Variants in GNB4 observed in about 807,000 individuals in gnomAD.
The protein encoded by GNB4 is guanine nucleotide-binding protein subunit beta-4.
In GNB4, 28 loss-of-function variants were observed where a neutral mutation model predicts 45.2. The ratio of observed to expected loss-of-function variants is 0.62; its 90% CI spans 0.46 to 0.85. GNB4 has a LOEUF of 0.85. Ranked by LOEUF, GNB4 falls within the 40% of genes least tolerant of loss-of-function variation. The pLI is 0.00. For missense variants in GNB4, 321 were observed against 425.4 expected (o/e 0.75, Z 2.16); for synonymous variants, 132 against 143.7 (o/e 0.92, Z 0.58).
At chr3:179,517,104 T>A in the GNB4 span, among the ~76,000 whole-genome samples, 1 of 151,976 alleles carries the variant, frequency 6.6e-6, no homozygotes, top group African/African-American at 2.4e-5. Flanking sequence ...GCCATCATAT[T>A]CCCCGTGACC....
At position 179,405,302 on chromosome 3, in the gene GNB4, A is replaced by G; in HGVS notation, c.804T>C (p.Asn268=). 1 of 1,614,204 alleles carries G rather than the reference A, an allele frequency of 6.2e-7. No homozygotes were observed. The highest frequency in any genetic ancestry group is 8.5e-7 in the Non-Finnish European group (1 of 1,180,006). The change falls in exon 9 of 10, where the codon AAT becomes AAC. Residue 268 remains asparagine, a synonymous_variant. Coordinates refer to ENST00000232564, the MANE Select transcript of GNB4 (RefSeq NM_021629.4). ...CTACAGAAGTGATTCCACAGATGAT[A>G]TTGTCATGAGAATACAATAATAACT... The part of the protein sequence containing the change: ...DQELLLYSHD[N]IICGITSVAF...
chr3:179,456,318 T>C (rs541797449), upstream of GNB4, among the ~76,000 whole-genome samples: 1 of 152,116 alleles, frequency 6.6e-6, no homozygotes, highest in South Asian at 2.1e-4. Context: ...GATAGACTTA[T>C]CTAGAGGAAC....
chr3:179,446,802 T>C (rs1343030707), intron 1 of GNB4, among the ~76,000 whole-genome samples: 1 of 152,232 alleles, frequency 6.6e-6, no homozygotes, highest in Non-Finnish European at 1.5e-5. Context: ...ACTAACGCTG[T>C]AAGATTCTCT....
At chr3:179,415,137 AT>A in intron 5 of GNB4, 90 bp from the exon 6 acceptor site, 2 of 986,034 alleles carry the variant, frequency 2.0e-6, no homozygotes, top group Non-Finnish European at 2.8e-6. Context: ...ATTATTAAAA[AT>A]TAAACACATC....
At chr3:179,526,541 A>G in the GNB4 span, among the ~76,000 whole-genome samples, 1 of 152,222 alleles carries the variant, frequency 6.6e-6, no homozygotes, top group Non-Finnish European at 1.5e-5. Context: ...TTCTGGGCCA[A>G]TAAAGCTGAG....
intron 9 of GNB4, among the ~76,000 whole-genome samples, chr3:179,404,675 T>C (rs1242909965): frequency 6.6e-6 from 1 of 152,204 alleles, no homozygotes; most frequent in Non-Finnish European, 1.5e-5. Context: ...TTAAGTATAA[T>C]TTTGATTTTT....
At chr3:179,459,338 C>G in the GNB4 span, among the ~76,000 whole-genome samples, 1 of 152,186 alleles carries the variant, frequency 6.6e-6, no homozygotes, top group Non-Finnish European at 1.5e-5. Flanking sequence ...ACATATGGAG[C>G]CAGAACTTTC....
rs1034571880 is a variant in GNB4, at chr3:179,419,445, C to T, written c.157G>A (p.Gly53Ser). 1 of 1,613,184 alleles carries T rather than the reference C, an allele frequency of 6.2e-7. No homozygotes were observed. The highest frequency in any genetic ancestry group is 1.3e-5 in the African/African-American group (1 of 74,858). The change falls in exon 4 of 10, where the codon GGC becomes AGC. Residue 53 changes from glycine (G) to serine (S), a missense_variant. Gly to Ser is a moderately conservative substitution (Grantham distance 56). Coordinates refer to ENST00000232564, the MANE Select transcript of GNB4 (RefSeq NM_021629.4). ...ATAGCATAGATTTTAGCTAGGTGGC[C>T]CCTCAGTGTACGTCTTGTTCGCATT... ...IQMRTRRTLR[G>S]HLAKIYAMHW... is the part of the protein sequence containing the mutation.
At chr3:179,437,456 T>C (rs929369570) in intron 1 of GNB4, among the ~76,000 whole-genome samples, 1 of 151,988 alleles carries the variant, frequency 6.6e-6, no homozygotes, top group Non-Finnish European at 1.5e-5. Flanking sequence ...TCCCAGCTAC[T>C]TGGGAAGCTG....
the GNB4 span, among the ~76,000 whole-genome samples, chr3:179,508,932 G>GTATATATATATATATGTATATATATA: frequency 9.8e-6 from 1 of 102,178 alleles, no homozygotes; most frequent in African/African-American, 4.6e-5. Flanking sequence ...TTCAGCATGT[G>GTATATATATATATATGTATATATATA]TATATATATA....
chr3:179,492,011 C>A, the GNB4 span, among the ~76,000 whole-genome samples: 32 of 152,256 alleles, frequency 2.1e-4, no homozygotes, highest in South Asian at 1.5e-3. Flanking sequence ...TCTAGGAGAA[C>A]TTTGGAGTAC....
In GNB4 at chr3:179,405,325, A is replaced by C. The variant is rs1174581777; in HGVS notation, c.781T>G (p.Leu261Val). 6.2e-7 allele frequency: 1 copy of C among 1,614,118 alleles called. No individual in the cohort carries two copies. The highest frequency in any genetic ancestry group is 1.7e-5 in the Admixed American group (1 of 60,028). The change falls in exon 9 of 10, where the codon TTA (leucine) becomes GTA (valine). Residue 261 changes from leucine (L) to valine (V), a missense_variant. Leu to Val is a conservative substitution (Grantham distance 32). Coordinates refer to ENST00000232564, the MANE Select transcript of GNB4 (RefSeq NM_021629.4). The stretch of plus-strand genomic sequence containing the variant: ...ATATTGTCATGAGAATACAATAATA[A>C]CTCTTGATCTGCACGAAGGTCAAAG... ...RLFDLRADQE[L>V]LLYSHDNIIC...
chr3:179,418,887 G>A (rs927342960), intron 4 of GNB4, among the ~76,000 whole-genome samples: 4 of 152,256 alleles, frequency 2.6e-5, no homozygotes, highest in African/African-American at 7.2e-5. Flanking sequence ...CTGTGCGTGT[G>A]CCTGTGCACC....
chr3:179,430,129 T>C (rs1715267651), intron 1 of GNB4, among the ~76,000 whole-genome samples: 1 of 151,908 alleles, frequency 6.6e-6, no homozygotes, highest in South Asian at 2.1e-4. Context: ...GGCCTCACTC[T>C]GCTGCCCAGG....
chr3:179,481,737 C>A, the GNB4 span, among the ~76,000 whole-genome samples: 20 of 152,180 alleles, frequency 1.3e-4, no homozygotes, highest in Admixed American at 9.8e-4. Context: ...TCTTTTCTAT[C>A]ACACTGTTTA....
chr3:179,508,930 GTGTA>G, the GNB4 span, among the ~76,000 whole-genome samples: 2 of 47,118 alleles, frequency 4.2e-5, 1 homozygote, highest in Admixed American at 5.0e-4. Context: ...CTTTCAGCAT[GTGTA>G]TATATATATA....
chr3:179,458,195 G>A, the GNB4 span, among the ~76,000 whole-genome samples: 67 of 152,266 alleles, frequency 4.4e-4, 1 homozygote, highest in African/African-American at 1.5e-3. Context: ...GAGCCACCGC[G>A]CCCAGCCCAT....
the GNB4 span, among the ~76,000 whole-genome samples, chr3:179,499,740 C>T: frequency 6.6e-6 from 1 of 152,216 alleles, no homozygotes; most frequent in East Asian, 1.9e-4. Context: ...TCTCCACATC[C>T]TCTCCAGCAT....
chr3:179,419,261 CA>C (rs1714903726), intron 4 of GNB4, 137 bp downstream of exon 4: 1 of 664,510 alleles, frequency 1.5e-6, no homozygotes, highest in Non-Finnish European at 2.7e-6. Context: ...TTGAAAGCAG[CA>C]TGTTCATCTG....
Sources: gnomAD v4.1 joint callset for allele counts (sites outside exome capture counted in the v4.1 genomes callset) on GRCh38, gnomAD v4.1.1 for gene constraint, MANE v1.5 for transcripts, NCBI Gene and HGNC (gene_info 2026-07-23, HGNC 2026-07-21) for gene names.